Variants in DDX50 observed in about 807,000 individuals in gnomAD.
DDX50 encodes ATP-dependent RNA helicase DDX50.
A neutral mutation model predicts 94.8 loss-of-function variants in DDX50; 56 were observed. That is an observed-to-expected ratio of 0.59 (90% CI 0.48 to 0.74). The LOEUF (loss-of-function observed/expected upper bound fraction) is 0.74, where lower values mean the gene tolerates loss of function less well. Ranked by LOEUF, DDX50 falls within the 30% of genes least tolerant of loss-of-function variation. DDX50 has a pLI of 0.00. For synonymous variants in DDX50, 264 were observed against 295.4 expected, an observed-to-expected ratio of 0.89 and a Z score of 1.09; for missense variants, 713 against 881.2, an observed-to-expected ratio of 0.81 and a Z score of 2.42.
chr10:68,946,616 C>T lies in DDX50; in HGVS notation c.2200C>T (p.Arg734Trp), dbSNP rs146163226. The change falls in exon 15 of 15, where the codon CGG becomes TGG. Residue 734 changes from arginine (R) to tryptophan (W), a missense_variant. This residue lies in a region of DDX50 where 428 missense variants were observed against 602.3 expected (regional missense o/e 0.71). Coordinates refer to ENST00000373585, the MANE Select transcript of DDX50 (RefSeq NM_024045.2). ...RNRSRSGGHK[R>W]SFD is the part of the protein sequence containing the mutation. ...TCGATCAAGAAGTGGGGGCCACAAA[C>T]GGAGTTTTGACTGAGTATTTGATAG... 5.1e-5 allele frequency: 83 copies of T among 1,613,420 alleles called. No homozygotes were observed. Among genetic ancestry groups the T allele is most frequent in the Middle Eastern group, 1.7e-4 (1 of 5,978 alleles).
intron 11 of DDX50, among the ~76,000 whole-genome samples, chr10:68,936,504 AAAAAAAAAAAAATATATAT>A (rs1440656724): frequency 4.2e-5 from 2 of 47,752 alleles, no homozygotes; most frequent in African/African-American, 1.7e-4. Flanking sequence ...AAAAAAAAAA[AAAAAAAAAAAAATATATAT>A]ATATATATAT....
intron 2 of DDX50, among the ~76,000 whole-genome samples, chr10:68,907,703 A>T (rs1481718687): frequency 1.3e-5 from 2 of 151,900 alleles, no homozygotes; most frequent in Non-Finnish European, 2.9e-5. Flanking sequence ...CTTTGGGGAA[A>T]AGTGTTGAAT....
chr10:68,906,976 C>G lies in DDX50; in HGVS notation c.353C>G (p.Thr118Ser), dbSNP rs768626647. The G allele has an allele frequency of 5.0e-6, 8 of 1,586,230 alleles. No individual in the cohort carries two copies. Among genetic ancestry groups the G allele is most frequent in the Non-Finnish European group, 6.8e-6 (8 of 1,173,828 alleles). The change falls in exon 2 of 15, where the codon ACT becomes AGT. Residue 118 changes from threonine (T) to serine (S), a missense_variant. Transcript: ENST00000373585. ...CGAGTATCATCTTTAGATACTTCTA[C>G]TCATAAATCAAGTGATAATAAACTA... ...SKRVSSLDTSTHKSSDNKLEE... is the reference protein window; with the variant it reads ...SKRVSSLDTSSHKSSDNKLEE...
In DDX50 at chr10:68,928,958, CT is replaced by C. The variant is rs1036055390; in HGVS notation, c.1240-5232del. Among the ~76,000 whole-genome samples the C allele has an allele frequency of 2.6e-5, 4 of 151,400 alleles. No individual in the cohort carries two copies. The East Asian group carries it at 7.7e-4, about 29-fold the overall frequency. On this transcript the variant is annotated intron_variant, in intron 8 of 14. Transcript: ENST00000373585. Reference sequence around the variant, plus strand: ...GTCCCATTTATTTCTTTTTTCTTTTCTTTTTTTTTGAGACGGAGTCTTGCTC... The same window carrying C: ...GTCCCATTTATTTCTTTTTTCTTTTCTTTTTTTTGAGACGGAGTCTTGCTC...
chr10:68,938,643 A>C (rs999696866), intron 12 of DDX50, among the ~76,000 whole-genome samples: 1 of 152,216 alleles, frequency 6.6e-6, no homozygotes, highest in Non-Finnish European at 1.5e-5. Context: ...TTGGTGTAGC[A>C]CAAATGAATG....
chr10:68,925,220 G>C (rs914011241), intron 8 of DDX50, among the ~76,000 whole-genome samples: 2 of 148,916 alleles, frequency 1.3e-5, no homozygotes, highest in Non-Finnish European at 3.0e-5. Flanking sequence ...TCTCCTGCCT[G>C]AGTCTCCCAA....
Position 68,906,694 on chromosome 10 carries a change from T to G in DDX50, c.88-17T>G, listed in dbSNP as rs1841454522. ...AACCTCTGACCATCTTGTCATTGCT[T>G]CTTTGTTTGTTCACAGAGTGACAGA... On this transcript the variant is annotated splice_polypyrimidine_tract_variant and intron_variant, in intron 1 of 14. Coordinates refer to ENST00000373585, the MANE Select transcript of DDX50 (RefSeq NM_024045.2). 2.5e-6 allele frequency: 4 copies of G among 1,594,472 alleles called. No homozygotes were observed. The South Asian group carries it at 3.5e-5, about 14-fold the overall frequency.
intron 8 of DDX50, among the ~76,000 whole-genome samples, chr10:68,921,871 A>C (rs969410730): frequency 1.3e-5 from 2 of 152,090 alleles, no homozygotes; most frequent in South Asian, 4.1e-4. Context: ...TTTTTTCCTT[A>C]TATGTGATTT....
intron 7 of DDX50, among the ~76,000 whole-genome samples, chr10:68,918,085 C>T (rs796885653): frequency 3.9e-4 from 59 of 151,912 alleles, no homozygotes; most frequent in South Asian, 6.2e-4. Flanking sequence ...CCACCATGCC[C>T]AGCTAATTTT....
rs902098418 is a variant in DDX50 at position 68,925,402 on chromosome 10, G to A, written c.1239+5421G>A. 2.0e-5 allele frequency among the ~76,000 whole-genome samples: 3 copies of A among 151,824 alleles called. No individual in the cohort carries two copies. The East Asian group carries it at 5.8e-4, about 30-fold the overall frequency. On this transcript the variant is annotated intron_variant, in intron 8 of 14. Coordinates refer to ENST00000373585, the MANE Select transcript of DDX50 (RefSeq NM_024045.2). ...TGGGATTACAGGCATGAGCCACCGC[G>A]CCCAGCCTCTGCTTATGTTTTAGAA...
rs1455592853 is a variant in DDX50 at position 68,935,414 on chromosome 10, CTGTTT to C, written c.1521+508_1521+512del. On this transcript the variant is annotated intron_variant, in intron 10 of 14. Transcript: ENST00000373585. ...GAAAAAAGCTGATAGATTTAAACAT[CTGTTT>C]TGTTTTGTTTTTTTTTCAAATCAGG... Among the ~76,000 whole-genome samples the C allele has an allele frequency of 3.3e-5, 5 of 150,298 alleles. No homozygotes were observed. In the East Asian group the frequency reaches 7.8e-4, roughly 23 times the overall value.
rs1371732164 is a variant in DDX50 at position 68,901,484 on chromosome 10, T to G, written c.87+13T>G. 6.4e-7 allele frequency: 1 copy of G among 1,556,938 alleles called. No individual in the cohort carries two copies. The highest frequency in any genetic ancestry group is 8.7e-7 in the Non-Finnish European group (1 of 1,150,726). On this transcript the variant is annotated intron_variant, in intron 1 of 14. Coordinates refer to ENST00000373585, the MANE Select transcript of DDX50 (RefSeq NM_024045.2). ...GGAGAGGCAAAAGGTGCGCTGAGCA[T>G]GGGCCGCGCCTCCTTTTGGGCTGCG...
chr10:68,920,235 C>T (rs1267963723), intron 8 of DDX50, among the ~76,000 whole-genome samples: 1 of 152,140 alleles, frequency 6.6e-6, no homozygotes, highest in Non-Finnish European at 1.5e-5. Context: ...AATCATGGCT[C>T]ACTGCATTCT....
In DDX50 at chr10:68,901,478, T is replaced by C; in HGVS notation, c.87+7T>C. Reference sequence around the variant, plus strand: ...GAAGAAGGAGAGGCAAAAGGTGCGCTGAGCATGGGCCGCGCCTCCTTTTGG... The same window carrying C: ...GAAGAAGGAGAGGCAAAAGGTGCGCCGAGCATGGGCCGCGCCTCCTTTTGG... On this transcript the variant is annotated splice_region_variant and intron_variant, in intron 1 of 14. Transcript: ENST00000373585. 6.4e-7 allele frequency: 1 copy of C among 1,561,998 alleles called. No homozygotes were observed. The highest frequency in any genetic ancestry group is 8.7e-7 in the Non-Finnish European group (1 of 1,153,560).
At chr10:68,910,584 G>A (rs1447394615) in intron 3 of DDX50, among the ~76,000 whole-genome samples, 1 of 152,146 alleles carries the variant, frequency 6.6e-6, no homozygotes, top group African/African-American at 2.4e-5. Flanking sequence ...CATATTTTTA[G>A]TAGAGACGCA....
At chr10:68,915,286 G>A (rs1316679479) in intron 7 of DDX50, among the ~76,000 whole-genome samples, 5 of 151,086 alleles carry the variant, frequency 3.3e-5, no homozygotes, top group East Asian at 3.9e-4. Context: ...GGTGGCGGGC[G>A]CCTGTAGTTC....
At chr10:68,940,293 T>C (rs921459345) in intron 12 of DDX50, among the ~76,000 whole-genome samples, 1 of 151,042 alleles carries the variant, frequency 6.6e-6, no homozygotes, top group Non-Finnish European at 1.5e-5. Context: ...GTGAGAAGAC[T>C]GCTTGAGCCC....
intron 7 of DDX50, among the ~76,000 whole-genome samples, chr10:68,914,952 T>G (rs1841739376): frequency 7.3e-6 from 1 of 136,418 alleles, no homozygotes; most frequent in South Asian, 2.4e-4. Context: ...ACCCAGGAGG[T>G]GGAGGTTGCA....
intron 8 of DDX50, among the ~76,000 whole-genome samples, chr10:68,928,505 T>C (rs1448480885): frequency 2.0e-5 from 3 of 152,172 alleles, no homozygotes; most frequent in African/African-American, 4.8e-5. Context: ...ACTTCATCTC[T>C]ATATTATTTT....
Sources: allele counts gnomAD v4.1 joint callset (sites outside exome capture counted in the v4.1 genomes callset), GRCh38; gene constraint gnomAD v4.1.1; regional missense constraint gnomAD v4.1.1; transcripts MANE v1.5; gene names NCBI Gene and HGNC (gene_info 2026-07-23, HGNC 2026-07-21).